PRORP: variants seen among roughly 807,000 people sequenced by gnomAD.
PRORP encodes the protein protein only RNase P catalytic subunit.
PRORP carries 51 observed loss-of-function variants against 59.4 expected under a neutral mutation model. That is an observed-to-expected ratio of 0.86 (90% confidence interval 0.69 to 1.08). The LOEUF (loss-of-function observed/expected upper bound fraction) is 1.08, where lower values mean the gene tolerates loss of function less well. Ranked by LOEUF, PRORP falls within the 50% of genes least tolerant of loss-of-function variation. The pLI is 0.00. For missense variants in PRORP, 646 were observed against 690.3 expected (o/e 0.94, Z 0.72); for synonymous variants, 231 against 245.6 (o/e 0.94, Z 0.55).
chr14:35,122,524 G>C (rs765252232), upstream of PRORP: 2 of 155,052 alleles, frequency 1.3e-5, no homozygotes, highest in South Asian at 1.8e-4. Context: ...CGTCGGTCGG[G>C]GCTGGCGCGG....
At position 35,123,952 on chromosome 14, in the gene PRORP, T is replaced by C; in HGVS notation, c.707T>C (p.Ile236Thr). ...WREALLLLEDIKKVITPSKKN... is the reference protein window; with the variant it reads ...WREALLLLEDTKKVITPSKKN... Reference sequence around the variant, plus strand: ...GAAGCATTGTTGCTGTTAGAGGACATCAAAAAAGTTATAACTCCTTCAAAA... The same window carrying C: ...GAAGCATTGTTGCTGTTAGAGGACACCAAAAAAGTTATAACTCCTTCAAAA... Residue 236 changes from isoleucine (I) to threonine (T), a missense_variant, in exon 2 of 8, where the codon ATC becomes ACC. Coordinates refer to ENST00000534898, the MANE Select transcript of PRORP (RefSeq NM_014672.4). The C allele has an allele frequency of 6.2e-7, 1 of 1,614,096 alleles. No homozygotes were observed. Among genetic ancestry groups the C allele is most frequent in the Non-Finnish European group, 8.5e-7 (1 of 1,179,992 alleles).
intron 5 of PRORP, among the ~76,000 whole-genome samples, chr14:35,189,763 CAGAATAGA>C (rs1170688132): frequency 6.6e-6 from 1 of 152,032 alleles, no homozygotes; most frequent in Non-Finnish European, 1.5e-5. Context: ...CTTGAATTGT[CAGAATAGA>C]AAATAGTATT....
chr14:35,183,846 T>A (rs549653811), intron 5 of PRORP, among the ~76,000 whole-genome samples: 32 of 152,296 alleles, frequency 2.1e-4, no homozygotes, highest in Middle Eastern at 3.4e-3. Flanking sequence ...CAGATTTTTT[T>A]AAATTGTGGG....
chr14:35,261,643 C>T (rs2050906865), intron 5 of PRORP, among the ~76,000 whole-genome samples: 1 of 151,908 alleles, frequency 6.6e-6, no homozygotes, highest in South Asian at 2.1e-4. Context: ...GCAGGAGAAT[C>T]ACTTGAACCC....
chr14:35,230,244 G>A (rs549190363), intron 5 of PRORP, among the ~76,000 whole-genome samples: 1 of 151,968 alleles, frequency 6.6e-6, no homozygotes, highest in African/African-American at 2.4e-5. Context: ...GTAGAAACGG[G>A]TTTCGCCATG....
intron 7 of PRORP, among the ~76,000 whole-genome samples, chr14:35,270,947 C>T (rs1175968654): frequency 2.0e-5 from 3 of 151,450 alleles, no homozygotes; most frequent in East Asian, 4.0e-4. Context: ...ATTAGCCAGG[C>T]GTGGTGGCGG....
intron 5 of PRORP, among the ~76,000 whole-genome samples, chr14:35,248,949 A>G (rs528217157): frequency 6.6e-6 from 1 of 152,254 alleles, no homozygotes; most frequent in East Asian, 1.9e-4. Flanking sequence ...GTTTTTTTCC[A>G]CTGTACATTT....
At chr14:35,172,407 T>TC (rs2048331978) in intron 4 of PRORP, among the ~76,000 whole-genome samples, 2 of 104,270 alleles carry the variant, frequency 1.9e-5, no homozygotes, top group African/African-American at 6.2e-5. Context: ...TGGATTGGTT[T>TC]CTTTCTTTCC....
At chr14:35,196,159 A>G (rs2049002638) in intron 5 of PRORP, among the ~76,000 whole-genome samples, 1 of 152,202 alleles carries the variant, frequency 6.6e-6, no homozygotes, top group Non-Finnish European at 1.5e-5. Flanking sequence ...TCTTAAAACA[A>G]CTAATCAGTT....
intron 5 of PRORP, among the ~76,000 whole-genome samples, chr14:35,210,204 TAGA>T (rs1264361605): frequency 6.6e-6 from 1 of 152,210 alleles, no homozygotes; most frequent in Non-Finnish European, 1.5e-5. Flanking sequence ...TTTATTTGAC[TAGA>T]AGAAGGACCT....
chr14:35,241,802 C>G (rs1482542931), intron 5 of PRORP, among the ~76,000 whole-genome samples: 1 of 152,098 alleles, frequency 6.6e-6, no homozygotes, highest in Non-Finnish European at 1.5e-5. Flanking sequence ...CTCAACATAC[C>G]GTAACATTTC....
intron 4 of PRORP, among the ~76,000 whole-genome samples, chr14:35,163,438 A>G (rs1325939362): frequency 6.6e-6 from 1 of 152,020 alleles, no homozygotes; most frequent in Non-Finnish European, 1.5e-5. Context: ...TTATTATTTG[A>G]TGTTGTAATC....
chr14:35,214,507 A>G (rs1179564148), intron 5 of PRORP, among the ~76,000 whole-genome samples: 2 of 152,200 alleles, frequency 1.3e-5, no homozygotes, highest in Non-Finnish European at 2.9e-5. Flanking sequence ...GTGGTTATAT[A>G]AGTTATCTAT....
At chr14:35,208,715 C>A (rs183679637) in intron 5 of PRORP, among the ~76,000 whole-genome samples, 1 of 147,174 alleles carries the variant, frequency 6.8e-6, no homozygotes, top group African/African-American at 2.5e-5. Flanking sequence ...ACTAAAAATA[C>A]AAAAATTAGG....
chr14:35,129,627 A>G (rs139649197), intron 4 of PRORP, among the ~76,000 whole-genome samples: 1 of 150,778 alleles, frequency 6.6e-6, no homozygotes, highest in Non-Finnish European at 1.5e-5. Context: ...GGCGCACACC[A>G]CCATGCCCAG....
At chr14:35,178,932 C>T (rs577374184) in intron 4 of PRORP, among the ~76,000 whole-genome samples, 2 of 152,238 alleles carry the variant, frequency 1.3e-5, no homozygotes, top group African/African-American at 4.8e-5. Context: ...TTAGGTCAGG[C>T]CTGGTGGTGA....
chr14:35,187,941 C>T (rs1229522390), intron 5 of PRORP, among the ~76,000 whole-genome samples: 2 of 150,886 alleles, frequency 1.3e-5, no homozygotes, highest in Non-Finnish European at 2.9e-5. Context: ...ACCTCCACCT[C>T]CTGGGTGCAA....
chr14:35,191,847 A>G (rs1339633703), intron 5 of PRORP, among the ~76,000 whole-genome samples: 2 of 150,802 alleles, frequency 1.3e-5, no homozygotes, highest in Non-Finnish European at 2.9e-5. Flanking sequence ...TCCTATATCC[A>G]GTAGACTGAC....
intron 5 of PRORP, among the ~76,000 whole-genome samples, chr14:35,239,006 T>C (rs1011722174): frequency 6.6e-6 from 1 of 152,148 alleles, no homozygotes; most frequent in African/African-American, 2.4e-5. Context: ...TTACTTTACA[T>C]ATAAGGAAAC....
Sources: gnomAD v4.1 joint callset for allele counts (sites outside exome capture counted in the v4.1 genomes callset) on GRCh38, gnomAD v4.1.1 for gene constraint, MANE v1.5 for transcripts, NCBI Gene and HGNC (gene_info 2026-07-23, HGNC 2026-07-21) for gene names.